GALNT17: variants seen among roughly 807,000 people sequenced by gnomAD.
GALNT17 encodes the protein UDP-GalNAc:polypeptide N-acetylgalactosaminyltransferase-like 3.
In GALNT17, 29 loss-of-function variants were observed where a neutral mutation model predicts 63.7. That is an observed-to-expected ratio of 0.46 (90% CI 0.34 to 0.62). GALNT17 has a LOEUF of 0.62. Ranked by LOEUF, GALNT17 falls within the 20% of genes least tolerant of loss-of-function variation. The pLI is 0.01. For missense variants in GALNT17, 603 were observed against 799.6 expected (o/e 0.75, Z 2.97); for synonymous variants, 305 against 318.3 (o/e 0.96, Z 0.45).
chr7:71,554,906 T>A (rs1365083192), intron 5 of GALNT17, among the ~76,000 whole-genome samples: 1 of 152,202 alleles, frequency 6.6e-6, no homozygotes, highest in Non-Finnish European at 1.5e-5. Context: ...TATCTGAGGC[T>A]GGATAATTTA....
At chr7:71,661,283 T>C (rs1790904126) in intron 6 of GALNT17, among the ~76,000 whole-genome samples, 1 of 152,120 alleles carries the variant, frequency 6.6e-6, no homozygotes, top group South Asian at 2.1e-4. Context: ...TTACTGACTG[T>C]GGGGTTATGA....
At chr7:71,537,074 G>T (rs1788813898) in intron 5 of GALNT17, among the ~76,000 whole-genome samples, 1 of 152,116 alleles carries the variant, frequency 6.6e-6, no homozygotes, top group Non-Finnish European at 1.5e-5. Flanking sequence ...TGTCTGCCTG[G>T]TGATGGCCTA....
chr7:71,227,835 G>GA (rs1245653631), intron 1 of GALNT17, among the ~76,000 whole-genome samples: 1 of 152,166 alleles, frequency 6.6e-6, no homozygotes, highest in African/African-American at 2.4e-5. Context: ...GAGTCTGAGA[G>GA]AGAGTCCTGG....
At chr7:71,612,597 G>T (rs1050089438) in intron 6 of GALNT17, among the ~76,000 whole-genome samples, 6 of 152,194 alleles carry the variant, frequency 3.9e-5, no homozygotes, top group Non-Finnish European at 8.8e-5. Context: ...ATAAATAATT[G>T]CTTGATAGGA....
chr7:71,427,158 C>A (rs1269165438), intron 5 of GALNT17, among the ~76,000 whole-genome samples: 1 of 150,310 alleles, frequency 6.7e-6, no homozygotes, highest in Non-Finnish European at 1.5e-5. Context: ...TGGCTCACTG[C>A]AACCTCCACC....
intron 5 of GALNT17, among the ~76,000 whole-genome samples, chr7:71,516,621 T>G (rs1405709698): frequency 2.6e-5 from 4 of 152,134 alleles, no homozygotes; most frequent in Non-Finnish European, 4.4e-5. Flanking sequence ...TGCAGGTGTA[T>G]AGGGTTCCTT....
At chr7:71,548,475 G>T (rs569043111) in intron 5 of GALNT17, among the ~76,000 whole-genome samples, 80 of 152,298 alleles carry the variant, frequency 5.3e-4, no homozygotes, top group Non-Finnish European at 6.8e-4. Flanking sequence ...GTTCAACATT[G>T]ACAATCTGGT....
chr7:71,298,083 CA>C (rs1232040635), intron 1 of GALNT17, among the ~76,000 whole-genome samples: 1 of 152,160 alleles, frequency 6.6e-6, no homozygotes, highest in East Asian at 1.9e-4. Context: ...TGCAGAGGCA[CA>C]ATCTTGGCTT....
intron 5 of GALNT17, among the ~76,000 whole-genome samples, chr7:71,429,263 C>T (rs940919210): frequency 1.1e-4 from 17 of 151,992 alleles, no homozygotes; most frequent in African/African-American, 3.9e-4. Flanking sequence ...AAGAAAGACC[C>T]TGAAGAAGGA....
chr7:71,467,109 T>C (rs543012857), intron 5 of GALNT17, among the ~76,000 whole-genome samples: 1 of 152,328 alleles, frequency 6.6e-6, no homozygotes, highest in East Asian at 1.9e-4. Flanking sequence ...CCTAAATAGC[T>C]TCTTTTATCT....
rs753976717 is a variant in GALNT17 at position 71,201,244 on chromosome 7, T to TATATATATATATATATATATATATAC, written c.238+68217_238+68218insTATATATATATACATATATATATATA. Among the ~76,000 whole-genome samples, 68 of 146,756 alleles carry TATATATATATATATATATATATATAC rather than the reference T, an allele frequency of 4.6e-4. 1 individual carries two copies. In the East Asian group the frequency reaches 6.0e-3, roughly 13 times the overall value. ...ATGGGGGTGTGTGTGTTTATTTTTA[T>TATATATATATATATATATATATATAC]ATATATATATATAATTTGTGTGTGC... On this transcript the variant is annotated intron_variant, in intron 1 of 10. Transcript: ENST00000333538.
At chr7:71,345,158 T>G (rs1792069892) in intron 2 of GALNT17, among the ~76,000 whole-genome samples, 5 of 151,318 alleles carry the variant, frequency 3.3e-5, no homozygotes, top group Admixed American at 2.6e-4. Context: ...TTTTTTTTTT[T>G]TGTTTTTTTT....
At chr7:71,636,174 A>G (rs543290848) in intron 6 of GALNT17, among the ~76,000 whole-genome samples, 2 of 152,330 alleles carry the variant, frequency 1.3e-5, no homozygotes, top group East Asian at 3.9e-4. Context: ...TGTATTGGGT[A>G]CATTTCAAGT....
intron 5 of GALNT17, among the ~76,000 whole-genome samples, chr7:71,568,857 G>A (rs968035859): frequency 2.0e-5 from 3 of 152,094 alleles, no homozygotes; most frequent in African/African-American, 7.2e-5. Context: ...ACAATGCATG[G>A]TCCCATGCAT....
intron 6 of GALNT17, among the ~76,000 whole-genome samples, chr7:71,647,901 G>A (rs1387428883): frequency 1.3e-5 from 2 of 152,222 alleles, no homozygotes; most frequent in African/African-American, 2.4e-5. Context: ...AGGGCAGGAA[G>A]CGGCCTGGCC....
At chr7:71,495,766 C>T (rs1788084208) in intron 5 of GALNT17, among the ~76,000 whole-genome samples, 1 of 152,176 alleles carries the variant, frequency 6.6e-6, no homozygotes, top group Admixed American at 6.5e-5. Context: ...GCCTTTCCTA[C>T]ATATCATGGC....
intron 1 of GALNT17, among the ~76,000 whole-genome samples, chr7:71,165,158 A>G (rs113275612): frequency 0.024 from 3,712 of 152,324 alleles, 156 homozygotes; most frequent in African/African-American, 0.085. Context: ...CATAGCTCAA[A>G]ATAACAGAAA....
chr7:71,315,378 G>T (rs1258344888), intron 1 of GALNT17, among the ~76,000 whole-genome samples: 2 of 152,082 alleles, frequency 1.3e-5, no homozygotes, highest in African/African-American at 4.8e-5. Flanking sequence ...ATTGCTGTTG[G>T]GTACATACCT....
At chr7:71,706,570 T>A (rs1791724558) in intron 9 of GALNT17, among the ~76,000 whole-genome samples, 1 of 152,198 alleles carries the variant, frequency 6.6e-6, no homozygotes, top group African/African-American at 2.4e-5. Context: ...TTTGGAGAAT[T>A]TAAATATATT....
Sources: gnomAD v4.1 joint callset for allele counts (sites outside exome capture counted in the v4.1 genomes callset) on GRCh38, gnomAD v4.1.1 for gene constraint, MANE v1.5 for transcripts, NCBI Gene and HGNC (gene_info 2026-07-23, HGNC 2026-07-21) for gene names.